UST: variants seen among roughly 807,000 people sequenced by gnomAD.
UST encodes chondroitin sulfate 2-O-sulfotransferase.
UST carries 21 observed loss-of-function variants against 45.6 expected under a neutral mutation model. That is an observed-to-expected ratio of 0.46 (90% confidence interval 0.33 to 0.66). The LOEUF is 0.66. UST is among the 30% of genes least tolerant of loss of function. The probability of loss-of-function intolerance (pLI) is 0.02; values close to 1 mark genes in which losing one functional copy is unlikely to be tolerated. For missense variants in UST, 463 were observed against 512.4 expected (o/e 0.90, Z 0.93); for synonymous variants, 215 against 200.6 (o/e 1.07, Z -0.61).
chr6:149,030,818 T>C (rs115517465), intron 7 of UST, among the ~76,000 whole-genome samples: 2,130 of 152,232 alleles, frequency 0.014, 48 homozygotes, highest in African/African-American at 0.048. Flanking sequence ...AAAAATAATT[T>C]TGAGAATAGA....
At chr6:148,935,437 C>T (rs1332654785) in intron 2 of UST, among the ~76,000 whole-genome samples, 7 of 151,724 alleles carry the variant, frequency 4.6e-5, no homozygotes, top group African/African-American at 1.7e-4. Context: ...AGCATTCAAA[C>T]TCTCTGTGCA....
chr6:148,970,639 G>A (rs1478979032), intron 5 of UST, among the ~76,000 whole-genome samples: 17 of 152,186 alleles, frequency 1.1e-4, no homozygotes, highest in Non-Finnish European at 2.2e-4. Flanking sequence ...AGGCCCCATG[G>A]GAAGCACATG....
chr6:148,798,580 C>G (rs927555906), intron 1 of UST, among the ~76,000 whole-genome samples: 2 of 151,970 alleles, frequency 1.3e-5, no homozygotes, highest in African/African-American at 2.4e-5. Context: ...GAACTAGGAC[C>G]AAGGATGGAT....
intron 7 of UST, among the ~76,000 whole-genome samples, chr6:149,052,456 A>G (rs1409900691): frequency 6.6e-6 from 1 of 152,182 alleles, no homozygotes; most frequent in Non-Finnish European, 1.5e-5. Context: ...CATTGTACAG[A>G]TAAGGAAACC....
At chr6:148,949,946 C>G (rs1780332408) in intron 3 of UST, among the ~76,000 whole-genome samples, 1 of 152,154 alleles carries the variant, frequency 6.6e-6, no homozygotes, top group East Asian at 1.9e-4. Flanking sequence ...TCTTTTCCTC[C>G]CCCAGCATTG....
intron 1 of UST, among the ~76,000 whole-genome samples, chr6:148,796,623 C>CAAAAAAAAAAAA (rs11465084): frequency 1.1e-5 from 1 of 88,952 alleles, no homozygotes; most frequent in African/African-American, 4.6e-5. Context: ...GACTCTGTCT[C>CAAAAAAAAAAAA]AAAAAAAAAA....
intron 7 of UST, among the ~76,000 whole-genome samples, chr6:149,029,477 TGTATATATAATATATAATG>T (rs1262249712): frequency 6.9e-6 from 1 of 145,838 alleles, no homozygotes; most frequent in African/African-American, 2.5e-5. Flanking sequence ...ATATATATAA[TGTATATATAATATATAATG>T]TATATATTAT....
At chr6:148,975,433 C>A (rs577710048) in intron 5 of UST, among the ~76,000 whole-genome samples, 13 of 152,268 alleles carry the variant, frequency 8.5e-5, no homozygotes, top group Admixed American at 3.3e-4. Context: ...TCAACATATT[C>A]TGAACACCTG....
rs150252654 is a variant in UST at position 149,028,855 on chromosome 6, T to G, written c.937+7374T>G. On this transcript the variant is annotated intron_variant, in intron 7 of 7. Coordinates refer to ENST00000367463, the MANE Select transcript of UST (RefSeq NM_005715.3). ...CTTAACTTATGCTGAATATTGAATT[T>G]TGCTGACTGTTATATTCCATGTTAT... 5.3e-3 allele frequency among the ~76,000 whole-genome samples: 807 copies of G among 152,310 alleles called. 9 individuals carry two copies. The highest frequency in any genetic ancestry group is 0.019 in the African/African-American group (775 of 41,550).
chr6:148,837,692 T>A (rs1334161812), intron 1 of UST, among the ~76,000 whole-genome samples: 1 of 145,952 alleles, frequency 6.9e-6, no homozygotes, highest in East Asian at 2.0e-4. Context: ...TCCCTCTTTT[T>A]TTTTTTTTCT....
intron 4 of UST, among the ~76,000 whole-genome samples, chr6:148,958,462 C>T (rs955689475): frequency 4.6e-5 from 7 of 152,208 alleles, no homozygotes; most frequent in Non-Finnish European, 8.8e-5. Context: ...AAATGTTTTT[C>T]ACCTGGACTA....
intron 7 of UST, among the ~76,000 whole-genome samples, chr6:149,072,441 G>A (rs897629814): frequency 2.6e-5 from 4 of 152,078 alleles, no homozygotes; most frequent in African/African-American, 9.7e-5. Flanking sequence ...ATCACCTGAG[G>A]TCGGGAATTC....
intron 5 of UST, among the ~76,000 whole-genome samples, chr6:148,974,248 G>C (rs1176653384): frequency 6.6e-6 from 1 of 151,976 alleles, no homozygotes; most frequent in Non-Finnish European, 1.5e-5. Flanking sequence ...AATAAGCTTG[G>C]ATAGAAACAG....
intron 1 of UST, among the ~76,000 whole-genome samples, chr6:148,842,992 A>C (rs1777917107): frequency 6.6e-6 from 1 of 152,266 alleles, no homozygotes; most frequent in Non-Finnish European, 1.5e-5. Flanking sequence ...GAAATTTTGC[A>C]ACCCTAAATT....
intron 7 of UST, among the ~76,000 whole-genome samples, chr6:149,063,683 G>T (rs749884542): frequency 7.2e-5 from 11 of 152,156 alleles, no homozygotes; most frequent in Non-Finnish European, 1.3e-4. Context: ...ACACAGCCAA[G>T]CCTTCCTTGA....
chr6:148,800,850 C>CT (rs1777046808), intron 1 of UST, among the ~76,000 whole-genome samples: 1 of 150,060 alleles, frequency 6.7e-6, no homozygotes, highest in African/African-American at 2.5e-5. Context: ...TCTTAAAACC[C>CT]TGAGGGAATT....
chr6:148,981,482 G>A (rs1209991053), intron 5 of UST, among the ~76,000 whole-genome samples: 1 of 152,172 alleles, frequency 6.6e-6, no homozygotes, highest in Non-Finnish European at 1.5e-5. Flanking sequence ...TGAAGGGCAG[G>A]TGCCATCTTC....
intron 7 of UST, among the ~76,000 whole-genome samples, chr6:149,062,329 A>C (rs1168643552): frequency 6.6e-6 from 1 of 152,256 alleles, no homozygotes; most frequent in African/African-American, 2.4e-5. Flanking sequence ...GAAGGAATTT[A>C]GCTAAAAAGT....
chr6:149,001,149 G>T (rs1039800471), intron 5 of UST, among the ~76,000 whole-genome samples: 4 of 148,766 alleles, frequency 2.7e-5, no homozygotes, highest in Non-Finnish European at 5.9e-5. Context: ...TCGACTCACT[G>T]CAAGCTCTAC....
Sources: gnomAD v4.1 joint callset for allele counts (sites outside exome capture counted in the v4.1 genomes callset) on GRCh38, gnomAD v4.1.1 for gene constraint, MANE v1.5 for transcripts, NCBI Gene and HGNC (gene_info 2026-07-23, HGNC 2026-07-21) for gene names.